The following TENM3 variants were observed in gnomAD, a reference collection of about 807,000 sequenced individuals.
TENM3 encodes the protein teneurin transmembrane protein 3, also known as teneurin-3.
A neutral mutation model predicts 255.1 loss-of-function variants in TENM3; 63 were observed. The observed-to-expected ratio is 0.25, with a 90% confidence interval of 0.20 to 0.30. The LOEUF (loss-of-function observed/expected upper bound fraction) is 0.30. Ranked by LOEUF, TENM3 falls within the 10% of genes least tolerant of loss-of-function variation. The probability of loss-of-function intolerance (pLI) is 1.00; values close to 1 mark genes in which losing one functional copy is unlikely to be tolerated. For synonymous variants in TENM3, 1,306 were observed against 1,322.3 expected (o/e 0.99, Z 0.27); for missense variants, 2,929 against 3,461.1 (o/e 0.85, Z 3.86).
chr4:181,650,757 A>G, the TENM3 span, among the ~76,000 whole-genome samples: 2 of 152,352 alleles, frequency 1.3e-5, no homozygotes, highest in East Asian at 3.9e-4. Context: ...GAGACATTTT[A>G]GAAAAAAATA....
intron 3 of TENM3, among the ~76,000 whole-genome samples, chr4:182,498,349 T>C (rs528988788): frequency 3.3e-5 from 5 of 152,304 alleles, no homozygotes; most frequent in African/African-American, 1.2e-4. Flanking sequence ...AAACTGCACT[T>C]CATCATTCGT....
At chr4:181,529,765 A>G in the TENM3 span, among the ~76,000 whole-genome samples, 5 of 152,330 alleles carry the variant, frequency 3.3e-5, no homozygotes, top group South Asian at 1.0e-3. Context: ...CGAGATGGCT[A>G]CTTTCAGCCA....
At position 182,800,356 on chromosome 4, in the gene TENM3, C is replaced by T. The variant is rs1258879489; in HGVS notation, c.*5C>T. ...AGCGAGATCGGCAGGAGGTAACGCCCGGGCCGCGCCCGCCGAGCCGCTCAC... is the reference window on the plus strand; with the variant it reads ...AGCGAGATCGGCAGGAGGTAACGCCTGGGCCGCGCCCGCCGAGCCGCTCAC... On this transcript the variant is annotated 3_prime_UTR_variant, in exon 28 of 28. Transcript: ENST00000511685. 10 of 1,522,944 alleles carry T rather than the reference C, an allele frequency of 6.6e-6. No individual in the cohort carries two copies. Among genetic ancestry groups the T allele is most frequent in the Non-Finnish European group, 7.0e-6 (8 of 1,142,680 alleles). The allele number at this position is 1,522,944 out of a possible 1,614,324, so 94.3% of individuals were successfully genotyped here.
At chr4:181,578,519 T>G in the TENM3 span, among the ~76,000 whole-genome samples, 1 of 152,174 alleles carries the variant, frequency 6.6e-6, no homozygotes, top group Non-Finnish European at 1.5e-5. Flanking sequence ...GAGGCACTGC[T>G]CAGCAGCAGG....
chr4:181,540,957 T>C, the TENM3 span, among the ~76,000 whole-genome samples: 1 of 152,152 alleles, frequency 6.6e-6, no homozygotes, highest in East Asian at 1.9e-4. Flanking sequence ...AAGCTGAATG[T>C]GGGAATATGG....
the TENM3 span, among the ~76,000 whole-genome samples, chr4:181,700,991 T>C: frequency 6.6e-6 from 1 of 152,218 alleles, no homozygotes; most frequent in Non-Finnish European, 1.5e-5. Context: ...ATAGGTCATC[T>C]TTTGTCTTTA....
intron 9 of TENM3, 49 bp downstream of exon 9, chr4:182,680,398 A>T: frequency 6.8e-7 from 1 of 1,465,036 alleles, no homozygotes; most frequent in Non-Finnish European, 9.5e-7. Flanking sequence ...AAGCTGTAGA[A>T]ACACAAGTGA....
the TENM3 span, among the ~76,000 whole-genome samples, chr4:181,612,530 G>A: frequency 1.3e-5 from 2 of 151,770 alleles, no homozygotes; most frequent in Non-Finnish European, 2.9e-5. Flanking sequence ...GTGTCAGAGA[G>A]AGAGAGAGCT....
At chr4:182,522,941 C>T (rs1395818895) in intron 3 of TENM3, among the ~76,000 whole-genome samples, 2 of 152,146 alleles carry the variant, frequency 1.3e-5, no homozygotes, top group Non-Finnish European at 2.9e-5. Flanking sequence ...TCCCTTCCTT[C>T]GCATCCTCAC....
chr4:181,811,732 A>G, the TENM3 span, among the ~76,000 whole-genome samples: 3 of 152,164 alleles, frequency 2.0e-5, no homozygotes, highest in Non-Finnish European at 4.4e-5. Flanking sequence ...CTCATTCACT[A>G]CCACAAACAG....
At chr4:182,175,670 A>G (rs1166471094) in intron 1 of TENM3, among the ~76,000 whole-genome samples, 3 of 152,146 alleles carry the variant, frequency 2.0e-5, no homozygotes, top group Non-Finnish European at 2.9e-5. Context: ...TGATGTGTCT[A>G]TTGAAGTTGA....
At chr4:182,397,862 C>T (rs1309808850) in intron 3 of TENM3, among the ~76,000 whole-genome samples, 1 of 152,258 alleles carries the variant, frequency 6.6e-6, no homozygotes, top group Non-Finnish European at 1.5e-5. Flanking sequence ...GACCACTGCT[C>T]CAAATGACTG....
intron 22 of TENM3, among the ~76,000 whole-genome samples, chr4:182,759,589 T>G (rs946529849): frequency 1.3e-5 from 2 of 152,372 alleles, no homozygotes; most frequent in South Asian, 2.1e-4. Flanking sequence ...TTCCAATAAT[T>G]AAACAAAATA....
the TENM3 span, among the ~76,000 whole-genome samples, chr4:181,910,074 CAT>C: frequency 4.6e-5 from 7 of 152,256 alleles, no homozygotes; most frequent in Non-Finnish European, 1.0e-4. Context: ...AATGTAGACA[CAT>C]GTGTAACATA....
At chr4:182,546,838 A>G (rs1278838644) in intron 3 of TENM3, among the ~76,000 whole-genome samples, 1 of 152,154 alleles carries the variant, frequency 6.6e-6, no homozygotes, top group African/African-American at 2.4e-5. Flanking sequence ...GGTTCTATAT[A>G]TGCCTTGCTG....
chr4:182,539,264 A>C lies in TENM3; in HGVS notation c.512-61660A>C, dbSNP rs192818777. On this transcript the variant is annotated intron_variant, in intron 3 of 27. Transcript: ENST00000511685. ...AAGAGACCATTTGAAGAGGGACCTA[A>C]TCAGTGGTGTAGAAAACCATCAAAC... Among the ~76,000 whole-genome samples the C allele has an allele frequency of 3.2e-4, 49 of 151,892 alleles. No homozygotes were observed. The East Asian group carries it at 8.8e-3, about 27-fold the overall frequency.
chr4:181,819,013 G>T, the TENM3 span, among the ~76,000 whole-genome samples: 2 of 152,100 alleles, frequency 1.3e-5, no homozygotes, highest in East Asian at 3.9e-4. Flanking sequence ...CCAGCTATTT[G>T]TATTTAGAAC....
intron 1 of TENM3, among the ~76,000 whole-genome samples, chr4:182,244,228 C>A (rs1011949035): frequency 2.6e-5 from 4 of 152,108 alleles, no homozygotes; most frequent in African/African-American, 9.7e-5. Flanking sequence ...GCTGGGATTA[C>A]AGGCGTGAGC....
At chr4:181,561,574 T>C in the TENM3 span, among the ~76,000 whole-genome samples, 1 of 152,234 alleles carries the variant, frequency 6.6e-6, no homozygotes, top group Non-Finnish European at 1.5e-5. Context: ...TATAAATCAC[T>C]GCTTCACTTA....
Sources: gnomAD v4.1 joint callset for allele counts (sites outside exome capture counted in the v4.1 genomes callset) on GRCh38, gnomAD v4.1.1 for gene constraint, MANE v1.5 for transcripts, NCBI Gene and HGNC (gene_info 2026-07-23, HGNC 2026-07-21) for gene names.